USP25: variants seen among roughly 807,000 people sequenced by gnomAD.
USP25 encodes the protein ubiquitin specific peptidase 25.
Under a neutral mutation model 158.5 loss-of-function variants are expected in USP25, and 85 were observed. The observed-to-expected ratio is 0.54, with a 90% confidence interval of 0.45 to 0.64. The LOEUF (loss-of-function observed/expected upper bound fraction) is 0.64. Ranked by LOEUF, USP25 falls within the 30% of genes least tolerant of loss-of-function variation. The pLI is 0.00. For missense variants in USP25, 1,242 were observed against 1,327.3 expected (o/e 0.94, Z 1.00); for synonymous variants, 464 against 460.4 (o/e 1.01, Z -0.10).
At position 15,879,981 on chromosome 21, in the gene USP25, C is replaced by T. The variant is rs2040227394; in HGVS notation, c.*1506C>T. On this transcript the variant is annotated 3_prime_UTR_variant, in exon 26 of 26. Coordinates refer to ENST00000400183, the MANE Select transcript of USP25 (RefSeq NM_001283041.3). ...AGATTTCTGCATTGGTTTTCCAGTC[C>T]TGTTAAAAGTTTAGAAACTTCATAT... 6.6e-6 allele frequency: 1 copy of T among 152,114 alleles called. No individual in the cohort carries two copies. The highest frequency in any genetic ancestry group is 2.4e-5 in the African/African-American group (1 of 41,446). 9.4% of individuals were successfully genotyped at this position (152,114 alleles called of 1,614,324 possible). A position where few individuals can be genotyped will look rare whatever the true frequency, so the allele number is the denominator to read the frequency against.
At chr21:15,780,284 G>A (rs1462775917) in intron 4 of USP25, among the ~76,000 whole-genome samples, 1 of 152,146 alleles carries the variant, frequency 6.6e-6, no homozygotes, top group Non-Finnish European at 1.5e-5. Flanking sequence ...TTAGAATCCT[G>A]TGTTTAGGCA....
chr21:15,787,892 A>AC (rs2035370799), intron 4 of USP25, among the ~76,000 whole-genome samples: 1 of 125,784 alleles, frequency 8.0e-6, no homozygotes, highest in Admixed American at 7.9e-5. Context: ...TAAAATAATA[A>AC]CACCCCCTCA....
At chr21:15,730,534 CT>C in intron 1 of USP25, 96 bp downstream of exon 1, 1 of 1,235,878 alleles carries the variant, frequency 8.1e-7, no homozygotes, top group South Asian at 2.6e-5. Flanking sequence ...CCGCCGCCGC[CT>C]TCCCGGGCTT....
chr21:15,814,081 C>A (rs1276309181), intron 9 of USP25, among the ~76,000 whole-genome samples: 1 of 150,424 alleles, frequency 6.6e-6, no homozygotes, highest in Non-Finnish European at 1.5e-5. Context: ...AAAGGCACTT[C>A]TTCCATGGCG....
rs1426826174 is a variant in USP25 at position 15,864,348 on chromosome 21, T to C, written c.2628T>C (p.His876=). 1 of 1,613,818 alleles carries C rather than the reference T, an allele frequency of 6.2e-7. No individual in the cohort carries two copies. The highest frequency in any genetic ancestry group is 2.2e-5 in the East Asian group (1 of 44,808). Residue 876 remains histidine, a synonymous_variant, in exon 21 of 26, where the codon CAT becomes CAC. Coordinates refer to ENST00000400183, the MANE Select transcript of USP25 (RefSeq NM_001283041.3). Reference sequence around the variant, plus strand: ...CAGAAACCGATTATCGTTTACATCATGTAGTGGTCTACTTTATCCAGAACC... The same window carrying C: ...CAGAAACCGATTATCGTTTACATCACGTAGTGGTCTACTTTATCCAGAACC... ...TPPETDYRLH[H]VVVYFIQNQA...
chr21:15,845,890 T>G (rs1437320713), intron 18 of USP25, among the ~76,000 whole-genome samples: 1 of 151,790 alleles, frequency 6.6e-6, no homozygotes, highest in Non-Finnish European at 1.5e-5. Flanking sequence ...GATAGTAGTA[T>G]TAGGTTAAAA....
intron 4 of USP25, among the ~76,000 whole-genome samples, chr21:15,783,000 G>A (rs528452496): frequency 1.2e-4 from 18 of 151,996 alleles, no homozygotes; most frequent in East Asian, 1.2e-3. Flanking sequence ...ACAATTTAAC[G>A]AAATTAATAA....
intron 22 of USP25, 113 bp from the exon 23 acceptor site, chr21:15,869,955 C>A: frequency 1.4e-6 from 1 of 719,412 alleles, no homozygotes; most frequent in Non-Finnish European, 2.2e-6. Flanking sequence ...ATTTTGAACT[C>A]TTTATTTCTA....
rs147415988 is a variant in USP25, at chr21:15,827,198, C to T, written c.1688C>T (p.Thr563Ile). 1 of 1,613,284 alleles carries T rather than the reference C, an allele frequency of 6.2e-7. No homozygotes were observed. Among genetic ancestry groups the T allele is most frequent in the African/African-American group, 1.3e-5 (1 of 74,888 alleles). ...TGGAGGACAGAAATAGAAAATGACA[C>T]CAGAGGTAAGAAGTGTCTCATAGCA... Reference protein sequence around the residue: ...HRWRTEIENDTRDLQESISRI... With the variant: ...HRWRTEIENDIRDLQESISRI... Residue 563 changes from threonine (T) to isoleucine (I), a missense_variant, in exon 14 of 26, where the codon ACC (threonine) becomes ATC (isoleucine). Thr to Ile is a moderately conservative substitution (Grantham distance 89). Transcript: ENST00000400183.
At chr21:15,812,028 A>G (rs763680324) in intron 9 of USP25, among the ~76,000 whole-genome samples, 6 of 152,122 alleles carry the variant, frequency 3.9e-5, no homozygotes, top group Non-Finnish European at 5.9e-5. Context: ...ACTAACTCAG[A>G]TGTTGGCCCT....
intron 6 of USP25, among the ~76,000 whole-genome samples, chr21:15,801,925 C>T (rs2036155861): frequency 6.6e-6 from 1 of 151,424 alleles, no homozygotes; most frequent in African/African-American, 2.4e-5. Flanking sequence ...GAAATTGAAA[C>T]TAATTTTAGA....
At chr21:15,866,871 A>C (rs1170388043) in intron 22 of USP25, among the ~76,000 whole-genome samples, 1 of 152,186 alleles carries the variant, frequency 6.6e-6, no homozygotes, top group African/African-American at 2.4e-5. Flanking sequence ...TAAGGTTTTC[A>C]CAGCCACAAG....
In USP25 at chr21:15,875,786, T is replaced by C. The variant is rs186068064; in HGVS notation, c.3009+1260T>C. Among the ~76,000 whole-genome samples, 156 of 152,354 alleles carry C rather than the reference T, an allele frequency of 1.0e-3. No individual in the cohort carries two copies. Among genetic ancestry groups the C allele is most frequent in the African/African-American group, 3.6e-3 (148 of 41,586 alleles). ...TGATGAAGCTGACAATACTTGTCGA[T>C]GTCAGATGATGAAGAAACTTAGATG... On this transcript the variant is annotated intron_variant, in intron 24 of 25. Transcript: ENST00000400183. The surrounding 1 kb of genome is among the most constrained non-coding windows in gnomAD (Gnocchi z 4.7).
intron 16 of USP25, 140 bp downstream of exon 16, chr21:15,831,769 T>C (rs564359118): frequency 1.4e-6 from 1 of 732,768 alleles, no homozygotes; most frequent in Non-Finnish European, 2.3e-6. Flanking sequence ...CAAGACTGAA[T>C]TGAAAAGTAA....
rs540244652 is a variant in USP25 at position 15,749,131 on chromosome 21, G to A, written c.46-13760G>A. On this transcript the variant is annotated intron_variant, in intron 1 of 25. Coordinates refer to ENST00000400183, the MANE Select transcript of USP25 (RefSeq NM_001283041.3). ...CAGGATACACTTGCTGTGAATAAGAGGTAACAATTATAGCTTACCTATAAG... is the reference window on the plus strand; with the variant it reads ...CAGGATACACTTGCTGTGAATAAGAAGTAACAATTATAGCTTACCTATAAG... 2.0e-5 allele frequency among the ~76,000 whole-genome samples: 3 copies of A among 152,034 alleles called. No individual in the cohort carries two copies. In the South Asian group the frequency reaches 6.2e-4, roughly 32 times the overall value.
chr21:15,872,461 G>T (rs563227745), intron 23 of USP25, among the ~76,000 whole-genome samples: 1 of 152,324 alleles, frequency 6.6e-6, no homozygotes, highest in African/African-American at 2.4e-5. Flanking sequence ...ATTCAGGAGA[G>T]ATCTTCTTAA....
chr21:15,763,454 C>T (rs553795660), intron 2 of USP25, among the ~76,000 whole-genome samples: 1 of 152,266 alleles, frequency 6.6e-6, no homozygotes, highest in East Asian at 1.9e-4. Flanking sequence ...CAATTTCAAA[C>T]TCTTCAGTAT....
At chr21:15,755,941 G>A (rs993073034) in intron 1 of USP25, among the ~76,000 whole-genome samples, 5 of 152,168 alleles carry the variant, frequency 3.3e-5, no homozygotes, top group Non-Finnish European at 4.4e-5. Context: ...CTGAAGAGCA[G>A]ACAATGACCT....
chr21:15,865,039 GA>G (rs543821782), intron 21 of USP25, among the ~76,000 whole-genome samples: 207 of 152,084 alleles, frequency 1.4e-3, no homozygotes, highest in Non-Finnish European at 2.4e-3. Context: ...TCTGGAAAGA[GA>G]AAATATTCTA....
Sources: allele counts gnomAD v4.1 joint callset (sites outside exome capture counted in the v4.1 genomes callset), GRCh38; gene constraint gnomAD v4.1.1; non-coding constraint Gnocchi (gnomAD v3.1); transcripts MANE v1.5; gene names NCBI Gene and HGNC (gene_info 2026-07-23, HGNC 2026-07-21).